KIF5C: variants seen among roughly 807,000 people sequenced by gnomAD.
KIF5C encodes kinesin family member 5C.
In KIF5C, 18 loss-of-function variants were observed where a neutral mutation model predicts 125.2. The ratio of observed to expected loss-of-function variants is 0.14; its 90% CI spans 0.10 to 0.21. The LOEUF (loss-of-function observed/expected upper bound fraction) is 0.21. KIF5C is among the 10% of genes least tolerant of loss of function. The pLI, the probability that KIF5C is intolerant of heterozygous loss-of-function variation, is 1.00. For missense variants in KIF5C, 780 were observed against 1,183.8 expected, an observed-to-expected ratio of 0.66 and a Z score of 5.01; for synonymous variants, 405 against 434.0, an observed-to-expected ratio of 0.93 and a Z score of 0.83.
intron 10 of KIF5C, among the ~76,000 whole-genome samples, chr2:148,954,982 T>C (rs1682758722): frequency 6.6e-6 from 1 of 152,220 alleles, no homozygotes; most frequent in Admixed American, 6.5e-5. Flanking sequence ...GAAGAAATAC[T>C]GTGGGTGACA....
chr2:148,942,112 T>A, intron 6 of KIF5C, 122 bp downstream of exon 6: 1 of 1,060,700 alleles, frequency 9.4e-7, no homozygotes, highest in Non-Finnish European at 1.3e-6. Context: ...TTCAGGCTCC[T>A]TATATTTAAT....
chr2:148,938,069 C>A (rs1321551706), intron 4 of KIF5C, among the ~76,000 whole-genome samples: 1 of 152,132 alleles, frequency 6.6e-6, no homozygotes, highest in Admixed American at 6.5e-5. Context: ...AGAGAGATTT[C>A]TACTCTCTTA....
intron 1 of KIF5C, among the ~76,000 whole-genome samples, chr2:148,917,955 C>T (rs887718271): frequency 2.0e-5 from 3 of 152,262 alleles, no homozygotes; most frequent in Admixed American, 6.5e-5. Flanking sequence ...ATCTTCAAAA[C>T]GTTTATGTGA....
At position 149,024,303 on chromosome 2, in the gene KIF5C, G is replaced by A. The variant is rs533445887; in HGVS notation, c.*1233G>A. The A allele has an allele frequency of 1.6e-4, 24 of 152,206 alleles. No homozygotes were observed. Among genetic ancestry groups the A allele is most frequent in the African/African-American group, 5.6e-4 (23 of 41,378 alleles). 9.4% of individuals were successfully genotyped at this position (152,206 alleles called of 1,614,324 possible). ...AATTTCCAAGTAGTAAAGTTTTCAG[G>A]GAAACTGACTGTGCTGCTATTTGTT... On this transcript the variant is annotated 3_prime_UTR_variant, in exon 26 of 26. Coordinates refer to ENST00000435030, the MANE Select transcript of KIF5C (RefSeq NM_004522.3).
rs1681296184 is a variant in KIF5C, at chr2:148,983,650, A to G, written c.1600A>G (p.Ser534Gly). The G allele has an allele frequency of 6.2e-7, 1 of 1,603,532 alleles. No individual in the cohort carries two copies. Among genetic ancestry groups the G allele is most frequent in the African/African-American group, 1.3e-5 (1 of 74,590 alleles). Residue 534 changes from serine to glycine, a missense_variant, in exon 15 of 26, where the codon AGC (serine) becomes GGC (glycine). Coordinates refer to ENST00000435030, the MANE Select transcript of KIF5C (RefSeq NM_004522.3). ...ATTGACAACCACACAGAGAGAGCTG[A>G]GCCAGCTACAAGAGCTTAGCAACCA... ...TTLTTTQREL[S>G]QLQELSNHQK...
At chr2:148,984,386 T>G (rs2105163049) in intron 15 of KIF5C, among the ~76,000 whole-genome samples, 1 of 152,366 alleles carries the variant, frequency 6.6e-6, no homozygotes, top group South Asian at 2.1e-4. Context: ...TATTAAAGTT[T>G]GAGAAGCAAA....
chr2:149,006,368 G>A (rs144517442), intron 22 of KIF5C, among the ~76,000 whole-genome samples: 3 of 152,268 alleles, frequency 2.0e-5, no homozygotes, highest in East Asian at 3.9e-4. Context: ...TTCCTAGAAG[G>A]GAGGAGTGGA....
At chr2:148,887,964 C>T (rs977246977) in intron 1 of KIF5C, among the ~76,000 whole-genome samples, 7 of 152,174 alleles carry the variant, frequency 4.6e-5, no homozygotes, top group Admixed American at 4.6e-4. Flanking sequence ...CTACCCCTTA[C>T]CCCCGCAGCA....
In KIF5C at chr2:148,990,980, A is replaced by C. The variant is rs1294749195; in HGVS notation, c.1717-30A>C. On this transcript the variant is annotated intron_variant, in intron 15 of 25. Transcript: ENST00000435030. ...CGTGAACCTATGGAAATTGTGGGCA[A>C]CATTTGAGTGTGTCCCCTTCTTTGC... The C allele has an allele frequency of 2.5e-6, 4 of 1,597,498 alleles. No homozygotes were observed. In the South Asian group the frequency reaches 4.5e-5, roughly 18 times the overall value.
chr2:149,022,872 C>T (rs1682571498), intron 25 of KIF5C, among the ~76,000 whole-genome samples: 1 of 152,082 alleles, frequency 6.6e-6, no homozygotes, highest in Non-Finnish European at 1.5e-5. Context: ...TGCAGTGAGT[C>T]GATATCGCGC....
At chr2:148,957,989 A>G (rs60370559) in intron 10 of KIF5C, among the ~76,000 whole-genome samples, 21,050 of 151,478 alleles carry the variant, frequency 0.14, 2,256 homozygotes, top group African/African-American at 0.29. Context: ...CTTCTTTCAT[A>G]CAGCGTTTTA....
intron 8 of KIF5C, 63 bp from the exon 9 acceptor site, chr2:148,949,776 G>A: frequency 6.4e-7 from 1 of 1,563,202 alleles, no homozygotes; most frequent in Non-Finnish European, 8.7e-7. Context: ...GTGTGAATTT[G>A]AAATTTCTAC....
At chr2:148,903,886 T>TC (rs1049647674) in intron 1 of KIF5C, among the ~76,000 whole-genome samples, 6 of 152,162 alleles carry the variant, frequency 3.9e-5, no homozygotes, top group Non-Finnish European at 7.3e-5. Context: ...TCCCCTTTTT[T>TC]CCCATCTATA....
At chr2:148,901,994 GT>G (rs1680922216) in intron 1 of KIF5C, among the ~76,000 whole-genome samples, 1 of 152,192 alleles carries the variant, frequency 6.6e-6, no homozygotes, top group African/African-American at 2.4e-5. Context: ...AATAGGATTG[GT>G]TACTTCTTGC....
At chr2:148,881,508 T>C (rs1442408797) in intron 1 of KIF5C, among the ~76,000 whole-genome samples, 3 of 152,218 alleles carry the variant, frequency 2.0e-5, no homozygotes, top group East Asian at 3.9e-4. Flanking sequence ...AGGTTTTTTT[T>C]CCCCCTTTCC....
chr2:148,878,036 C>G (rs888967471), intron 1 of KIF5C: 4 of 152,138 alleles, frequency 2.6e-5, no homozygotes, highest in Non-Finnish European at 5.9e-5. Context: ...TTTGCTCATC[C>G]TACTATAATC....
chr2:149,021,915 G>A (rs1029554373), intron 25 of KIF5C, among the ~76,000 whole-genome samples: 3 of 152,032 alleles, frequency 2.0e-5, no homozygotes, highest in East Asian at 1.9e-4. Flanking sequence ...GCCTCCAGCC[G>A]GTGACAGGAA....
At chr2:149,014,623 T>C (rs1682306276) in intron 25 of KIF5C, among the ~76,000 whole-genome samples, 1 of 152,230 alleles carries the variant, frequency 6.6e-6, no homozygotes, top group Non-Finnish European at 1.5e-5. Context: ...AAATCTTTTA[T>C]GTTGGTCATT....
intron 1 of KIF5C, chr2:148,879,307 C>G (rs918910642): frequency 6.6e-6 from 1 of 152,134 alleles, no homozygotes; most frequent in African/African-American, 2.4e-5. Flanking sequence ...TTATCGATCT[C>G]TCTGTGAATT....
Sources: allele counts gnomAD v4.1 joint callset (sites outside exome capture counted in the v4.1 genomes callset), GRCh38; gene constraint gnomAD v4.1.1; transcripts MANE v1.5; gene names NCBI Gene and HGNC (gene_info 2026-07-23, HGNC 2026-07-21).